The following MYO3B variants were observed in gnomAD, a reference collection of about 807,000 sequenced individuals.
MYO3B encodes the protein myosin IIIB.
In MYO3B, 156 loss-of-function variants were observed where a neutral mutation model predicts 174.6. The observed-to-expected ratio is 0.89, with a 90% CI of 0.78 to 1.02. The LOEUF is 1.02. Ranked by LOEUF, MYO3B falls within the 50% of genes least tolerant of loss-of-function variation. The pLI is 0.00. For missense variants in MYO3B, 1,632 were observed against 1,639.4 expected, an observed-to-expected ratio of 1.00 and a Z score of 0.08; for synonymous variants, 563 against 569.1, an observed-to-expected ratio of 0.99 and a Z score of 0.15.
intron 29 of MYO3B, 44 bp from the exon 30 acceptor site, chr2:170,519,394 C>T (rs1317579078): frequency 2.0e-6 from 3 of 1,535,710 alleles, no homozygotes; most frequent in Admixed American, 1.7e-5. Flanking sequence ...GCTAACCCTA[C>T]CTACTTCTGA....
chr2:170,649,357 ATATAT>A (rs1485768041), intron 32 of MYO3B, among the ~76,000 whole-genome samples: 2,940 of 63,258 alleles, frequency 0.046, 301 homozygotes, highest in Middle Eastern at 0.056. Context: ...ATAATATATA[ATATAT>A]TATATAAAAA....
At chr2:170,460,499 A>AAAAAAAAC (rs1684219377) in intron 23 of MYO3B, among the ~76,000 whole-genome samples, 1 of 151,550 alleles carries the variant, frequency 6.6e-6, no homozygotes, top group African/African-American at 2.4e-5. Context: ...AAAAAAAAAA[A>AAAAAAAAC]AAAAAAAAAA....
At chr2:170,364,504 T>C (rs987919202) in intron 8 of MYO3B, among the ~76,000 whole-genome samples, 1 of 152,214 alleles carries the variant, frequency 6.6e-6, no homozygotes, top group African/African-American at 2.4e-5. Context: ...TAACATTTTA[T>C]GCATCCTTTT....
At chr2:170,308,258 T>G (rs113420361) in intron 7 of MYO3B, among the ~76,000 whole-genome samples, 146 of 152,320 alleles carry the variant, frequency 9.6e-4, no homozygotes, top group African/African-American at 3.2e-3. Context: ...AAAAGGATGT[T>G]GTAATTGCTG....
chr2:170,625,119 T>C (rs1696295263), intron 32 of MYO3B, among the ~76,000 whole-genome samples: 1 of 152,224 alleles, frequency 6.6e-6, no homozygotes, highest in African/African-American at 2.4e-5. Flanking sequence ...TTCCATTGAT[T>C]GGAATAGTTT....
Position 170,653,127 on chromosome 2 carries a change from G to A in MYO3B, c.*6G>A, listed in dbSNP as rs1699114607. The A allele has an allele frequency of 3.1e-6, 5 of 1,613,988 alleles. No individual in the cohort carries two copies. In the East Asian group the frequency reaches 1.1e-4, roughly 36 times the overall value. The stretch of plus-strand genomic sequence containing the variant: ...ACTCTTTTGCTCAACATTAAATTGT[G>A]CTTCCTAACCCTAAATCTGTCCAGA... On this transcript the variant is annotated 3_prime_UTR_variant, in exon 35 of 35. Transcript: ENST00000408978.
At chr2:170,494,507 C>T (rs1469549909) in intron 25 of MYO3B, among the ~76,000 whole-genome samples, 5 of 152,048 alleles carry the variant, frequency 3.3e-5, no homozygotes, top group Middle Eastern at 3.4e-3. Flanking sequence ...GCGGGCAGAT[C>T]ACTTGAGGTC....
chr2:170,650,619 A>G (rs1009898346), intron 32 of MYO3B, among the ~76,000 whole-genome samples: 2 of 151,594 alleles, frequency 1.3e-5, no homozygotes, highest in Non-Finnish European at 2.9e-5. Flanking sequence ...ATATAGAGCC[A>G]AAAGGACAGT....
intron 32 of MYO3B, among the ~76,000 whole-genome samples, chr2:170,569,330 T>C (rs962017986): frequency 1.7e-4 from 26 of 152,216 alleles, no homozygotes; most frequent in African/African-American, 5.3e-4. Flanking sequence ...TACTCAAATA[T>C]ATGTTCTTCC....
At chr2:170,366,752 G>A (rs561828969) in intron 8 of MYO3B, among the ~76,000 whole-genome samples, 1 of 152,240 alleles carries the variant, frequency 6.6e-6, no homozygotes, top group African/African-American at 2.4e-5. Context: ...AATCTAGAGA[G>A]GGACCCTCTC....
At chr2:170,288,014 CA>C (rs2093569245) in intron 7 of MYO3B, among the ~76,000 whole-genome samples, 1 of 152,024 alleles carries the variant, frequency 6.6e-6, no homozygotes, top group Non-Finnish European at 1.5e-5. Flanking sequence ...GTACCTTTGT[CA>C]AAGATGAGCT....
intron 13 of MYO3B, 136 bp downstream of exon 13, chr2:170,386,408 C>CGCTATCAGGAGGCAAA: frequency 1.6e-6 from 1 of 643,500 alleles, no homozygotes; most frequent in Non-Finnish European, 2.6e-6. Context: ...ACGTTTGCCT[C>CGCTATCAGGAGGCAAA]CTGATAGCGA....
At chr2:170,189,193 T>C (rs1165288422) in intron 1 of MYO3B, among the ~76,000 whole-genome samples, 2 of 152,162 alleles carry the variant, frequency 1.3e-5, no homozygotes, top group African/African-American at 4.8e-5. Context: ...TGCTGCCAGA[T>C]GATGACTGGA....
chr2:170,370,406 G>A (rs2094232266), intron 9 of MYO3B, among the ~76,000 whole-genome samples: 1 of 152,052 alleles, frequency 6.6e-6, no homozygotes, highest in South Asian at 2.1e-4. Flanking sequence ...TTCCCTTTTG[G>A]ATAGCTCAGA....
At chr2:170,392,251 C>T (rs1359431338) in intron 15 of MYO3B, 130 bp from the exon 16 acceptor site, 10 of 553,364 alleles carry the variant, frequency 1.8e-5, no homozygotes, top group Non-Finnish European at 3.2e-5. Context: ...TATGATCACA[C>T]CACTGCACTT....
At chr2:170,436,933 C>G (rs1318340391) in intron 22 of MYO3B, among the ~76,000 whole-genome samples, 5 of 152,124 alleles carry the variant, frequency 3.3e-5, no homozygotes, top group Non-Finnish European at 7.4e-5. Flanking sequence ...CCTTTGTGAA[C>G]AGTTCACAGC....
At chr2:170,489,040 A>G (rs1024720288) in intron 25 of MYO3B, among the ~76,000 whole-genome samples, 3 of 152,226 alleles carry the variant, frequency 2.0e-5, no homozygotes, top group African/African-American at 7.2e-5. Context: ...CTGGAGCATC[A>G]GAAGTGCCTG....
At chr2:170,405,431 A>G (rs2094503604) in intron 20 of MYO3B, 114 bp from the exon 21 acceptor site, 1 of 825,606 alleles carries the variant, frequency 1.2e-6, no homozygotes, top group Admixed American at 2.2e-5. Context: ...TGTTAATATC[A>G]AGGCCTTATT....
At chr2:170,640,223 T>C (rs976157706) in intron 32 of MYO3B, among the ~76,000 whole-genome samples, 5 of 152,202 alleles carry the variant, frequency 3.3e-5, no homozygotes, top group African/African-American at 1.2e-4. Flanking sequence ...GGTGAGGTCA[T>C]GATATCTGTA....
Sources: allele counts gnomAD v4.1 joint callset (sites outside exome capture counted in the v4.1 genomes callset), GRCh38; gene constraint gnomAD v4.1.1; transcripts MANE v1.5; gene names NCBI Gene and HGNC (gene_info 2026-07-23, HGNC 2026-07-21).